The following STK38L variants were observed in gnomAD, a reference collection of about 807,000 sequenced individuals.
STK38L encodes serine/threonine-protein kinase 38-like.
STK38L carries 28 observed loss-of-function variants against 59.7 expected under a neutral mutation model. The ratio of observed to expected loss-of-function variants is 0.47; its 90% CI spans 0.35 to 0.64. The LOEUF (loss-of-function observed/expected upper bound fraction) is 0.64. Ranked by LOEUF, STK38L falls within the 30% of genes least tolerant of loss-of-function variation. The pLI is 0.01. For missense variants in STK38L, 314 were observed against 555.8 expected, an observed-to-expected ratio of 0.56 and a Z score of 4.37; for synonymous variants, 162 against 176.8, an observed-to-expected ratio of 0.92 and a Z score of 0.66.
At position 27,250,281 on chromosome 12, in the gene STK38L, C is replaced by T. The variant is rs112815654; in HGVS notation, c.-12+5949C>T. Among the ~76,000 whole-genome samples, 308 of 152,238 alleles carry T rather than the reference C, an allele frequency of 2.0e-3. 3 individuals carry two copies. The highest frequency in any genetic ancestry group is 7.2e-3 in the African/African-American group (297 of 41,536). On this transcript the variant is annotated intron_variant, in intron 1 of 13. Coordinates refer to ENST00000389032, the MANE Select transcript of STK38L (RefSeq NM_015000.4). ...GTTATTGCTATTCTGCTTTTATGATCTGGAGATTTTGACTGCATTTCTCTT... is the reference window on the plus strand; with the variant it reads ...GTTATTGCTATTCTGCTTTTATGATTTGGAGATTTTGACTGCATTTCTCTT...
In STK38L at chr12:27,317,709, C is replaced by A. The variant is rs557620596; in HGVS notation, c.956-187C>A. 4.9e-5 allele frequency: 39 copies of A among 796,300 alleles called. No homozygotes were observed. The East Asian group carries it at 1.0e-3, about 21-fold the overall frequency. The allele number at this position is 796,300 out of a possible 1,614,324, so 49.3% of individuals were successfully genotyped here. A position where few individuals can be genotyped will look rare whatever the true frequency, so the allele number is the denominator to read the frequency against. ...ATAGCTTTTCAGGTAAAAGGGGAGG[C>A]AGTGCTTTCAATCCTTTATTTTATT... On this transcript the variant is annotated intron_variant, in intron 10 of 13. Transcript: ENST00000389032.
At chr12:27,247,602 A>C (rs1942881953) in intron 1 of STK38L, among the ~76,000 whole-genome samples, 1 of 152,214 alleles carries the variant, frequency 6.6e-6, no homozygotes, top group East Asian at 1.9e-4. Flanking sequence ...ACTCATAAGA[A>C]CTTAGAAGTG....
At chr12:27,305,411 A>T (rs563848359) in intron 3 of STK38L, among the ~76,000 whole-genome samples, 1 of 138,854 alleles carries the variant, frequency 7.2e-6, no homozygotes, top group African/African-American at 3.0e-5. Flanking sequence ...TAAAACTTCT[A>T]ATGTTTTTCT....
At chr12:27,259,562 A>G (rs986902530) in intron 1 of STK38L, among the ~76,000 whole-genome samples, 1 of 152,224 alleles carries the variant, frequency 6.6e-6, no homozygotes, top group Admixed American at 6.5e-5. Flanking sequence ...AGAAATATGT[A>G]AAAGGTCTTT....
chr12:27,267,594 A>G (rs1943326431), intron 1 of STK38L, among the ~76,000 whole-genome samples: 1 of 152,236 alleles, frequency 6.6e-6, no homozygotes, highest in Non-Finnish European at 1.5e-5. Flanking sequence ...GTATTTTTAC[A>G]GTATGTACCT....
chr12:27,273,992 C>T (rs1321527137), intron 1 of STK38L, among the ~76,000 whole-genome samples: 3 of 152,110 alleles, frequency 2.0e-5, no homozygotes, highest in East Asian at 1.9e-4. Context: ...CGGTGGTTCA[C>T]GCCTGTAATC....
At chr12:27,313,755 C>T (rs1410135360) in intron 6 of STK38L, among the ~76,000 whole-genome samples, 1 of 152,040 alleles carries the variant, frequency 6.6e-6, no homozygotes, top group Non-Finnish European at 1.5e-5. Context: ...GTTGTAAGTG[C>T]ACCAGTGTTT....
intron 1 of STK38L, among the ~76,000 whole-genome samples, chr12:27,256,031 C>T (rs1417312868): frequency 6.6e-6 from 1 of 152,202 alleles, no homozygotes; most frequent in Non-Finnish European, 1.5e-5. Flanking sequence ...ACCCTTGACT[C>T]GTCCTCCTTG....
intron 3 of STK38L, among the ~76,000 whole-genome samples, chr12:27,305,658 T>C (rs1408862440): frequency 1.3e-5 from 2 of 152,176 alleles, no homozygotes; most frequent in African/African-American, 4.8e-5. Flanking sequence ...GTCTGTCTTA[T>C]ACAAATACTG....
chr12:27,255,173 A>G (rs1369341675), intron 1 of STK38L, among the ~76,000 whole-genome samples: 2 of 152,220 alleles, frequency 1.3e-5, no homozygotes, highest in African/African-American at 4.8e-5. Flanking sequence ...TTCAGGCACA[A>G]GGTGGCAGAA....
chr12:27,258,943 G>A (rs952198769), intron 1 of STK38L, among the ~76,000 whole-genome samples: 2 of 131,792 alleles, frequency 1.5e-5, no homozygotes, highest in Non-Finnish European at 3.2e-5. Context: ...AATTGGTTAT[G>A]TATATGTGTT....
At chr12:27,290,340 T>G (rs1417032040) in intron 1 of STK38L, among the ~76,000 whole-genome samples, 1 of 152,212 alleles carries the variant, frequency 6.6e-6, no homozygotes, top group African/African-American at 2.4e-5. Context: ...TGGCCTTTCA[T>G]CCTGTGCTCT....
rs533703551 is a variant in STK38L at position 27,276,614 on chromosome 12, T to C, written c.-11-21096T>C. Among the ~76,000 whole-genome samples, 72 of 152,372 alleles carry C rather than the reference T, an allele frequency of 4.7e-4. 1 individual carries two copies. Among genetic ancestry groups the C allele is most frequent in the African/African-American group, 1.4e-3 (60 of 41,598 alleles). On this transcript the variant is annotated intron_variant, in intron 1 of 13. Coordinates refer to ENST00000389032, the MANE Select transcript of STK38L (RefSeq NM_015000.4). The stretch of plus-strand genomic sequence containing the variant: ...AGATACTAGTTAGTAAAAAGCAAGA[T>C]ACTGTATTTATGTATAAGGTTAAAT...
intron 1 of STK38L, among the ~76,000 whole-genome samples, chr12:27,265,196 A>G (rs1221026927): frequency 1.3e-5 from 2 of 152,216 alleles, no homozygotes; most frequent in African/African-American, 4.8e-5. Context: ...ACTTTAGTAA[A>G]CAAGATTTGA....
In STK38L at chr12:27,315,361, C is replaced by G. The variant is rs1229914965; in HGVS notation, c.837+11C>G. Reference sequence around the variant, plus strand: ...AACAGGAGACAACTGGTGAGTCAACCAGTTTTTAAGAGAATTTTATGCCTT... The same window carrying G: ...AACAGGAGACAACTGGTGAGTCAACGAGTTTTTAAGAGAATTTTATGCCTT... On this transcript the variant is annotated intron_variant, in intron 9 of 13. Coordinates refer to ENST00000389032, the MANE Select transcript of STK38L (RefSeq NM_015000.4). 1 of 1,610,664 alleles carries G rather than the reference C, an allele frequency of 6.2e-7. No individual in the cohort carries two copies. The highest frequency in any genetic ancestry group is 2.2e-5 in the East Asian group (1 of 44,666).
chr12:27,257,170 T>A (rs1319171325), intron 1 of STK38L, among the ~76,000 whole-genome samples: 1 of 152,210 alleles, frequency 6.6e-6, no homozygotes, highest in Non-Finnish European at 1.5e-5. Flanking sequence ...GAACAGAAGC[T>A]TATAGTTTGG....
chr12:27,269,854 G>A (rs1338962016), intron 1 of STK38L, among the ~76,000 whole-genome samples: 1 of 152,076 alleles, frequency 6.6e-6, no homozygotes, highest in African/African-American at 2.4e-5. Flanking sequence ...TGTTGGCCAG[G>A]CTGGTCTCGA....
chr12:27,322,101 G>A, intron 12 of STK38L, 42 bp from the exon 13 acceptor site: 1 of 1,549,314 alleles, frequency 6.5e-7, no homozygotes, highest in Non-Finnish European at 8.8e-7. Context: ...GAAATTGAGA[G>A]TTCAAGAAAA....
Position 27,308,489 on chromosome 12 carries a change from G to A in STK38L, c.309+28G>A. On this transcript the variant is annotated intron_variant, in intron 4 of 13. Coordinates refer to ENST00000389032, the MANE Select transcript of STK38L (RefSeq NM_015000.4). The surrounding 1 kb of genome is among the most constrained non-coding windows in gnomAD (Gnocchi z 4.5). ...GTGCTTCTTTTTAAAAGTCACTACT[G>A]CTGCAAATATATATCTTAAGATAAT... 2 of 1,536,734 alleles carry A rather than the reference G, an allele frequency of 1.3e-6. No individual in the cohort carries two copies. Among genetic ancestry groups the A allele is most frequent in the South Asian group, 2.4e-5 (2 of 82,130 alleles).
Sources: allele counts gnomAD v4.1 joint callset (sites outside exome capture counted in the v4.1 genomes callset), GRCh38; gene constraint gnomAD v4.1.1; non-coding constraint Gnocchi (gnomAD v3.1); transcripts MANE v1.5; gene names NCBI Gene and HGNC (gene_info 2026-07-23, HGNC 2026-07-21).